The following WWTR1 variants were observed in gnomAD, a reference collection of about 807,000 sequenced individuals.
The protein encoded by WWTR1 is WW domain-containing transcription regulator protein 1.
Under a neutral mutation model 40.1 loss-of-function variants are expected in WWTR1, and 13 were observed. That is an observed-to-expected ratio of 0.32 (90% CI 0.21 to 0.52). The LOEUF (loss-of-function observed/expected upper bound fraction) is 0.52, where lower values mean the gene tolerates loss of function less well. WWTR1 is among the 20% of genes least tolerant of loss of function. The probability of loss-of-function intolerance (pLI) is 0.97; values close to 1 mark genes in which losing one functional copy is unlikely to be tolerated. For missense variants in WWTR1, 436 were observed against 523.1 expected, an observed-to-expected ratio of 0.83 and a Z score of 1.63; for synonymous variants, 230 against 210.1, an observed-to-expected ratio of 1.09 and a Z score of -0.82.
intron 1 of WWTR1, among the ~76,000 whole-genome samples, chr3:149,675,940 C>T (rs1385844100): frequency 4.6e-5 from 7 of 152,026 alleles, no homozygotes; most frequent in Admixed American, 2.0e-4. Flanking sequence ...CTCCTGACCT[C>T]GTGATCGGCC....
chr3:149,556,503 C>T (rs1020404009), intron 3 of WWTR1, among the ~76,000 whole-genome samples: 3 of 152,116 alleles, frequency 2.0e-5, no homozygotes, highest in Non-Finnish European at 4.4e-5. Flanking sequence ...TGCTTGAACC[C>T]GGAAGGTGGA....
chr3:149,596,149 G>A (rs188204611), intron 2 of WWTR1, among the ~76,000 whole-genome samples: 1 of 152,244 alleles, frequency 6.6e-6, no homozygotes, highest in East Asian at 1.9e-4. Flanking sequence ...AAATCAAATA[G>A]CATATTTCCT....
intron 3 of WWTR1, among the ~76,000 whole-genome samples, chr3:149,562,627 ACACACACAC>A (rs1737136588): frequency 6.6e-6 from 1 of 151,038 alleles, no homozygotes; most frequent in African/African-American, 2.4e-5. Context: ...ACACACACAC[ACACACACAC>A]ACACACACAC....
At chr3:149,613,851 TTTG>T (rs1739849582) in intron 2 of WWTR1, among the ~76,000 whole-genome samples, 1 of 152,096 alleles carries the variant, frequency 6.6e-6, no homozygotes, top group Non-Finnish European at 1.5e-5. Flanking sequence ...CAGCTGGGCT[TTTG>T]TTATTTTTCA....
intron 2 of WWTR1, among the ~76,000 whole-genome samples, chr3:149,641,069 A>T (rs1276538233): frequency 1.3e-5 from 2 of 152,036 alleles, no homozygotes; most frequent in Non-Finnish European, 2.9e-5. Flanking sequence ...ATTCGATATT[A>T]TTTATTATGC....
intron 2 of WWTR1, among the ~76,000 whole-genome samples, chr3:149,664,947 A>T (rs1713747876): frequency 6.6e-6 from 1 of 152,142 alleles, no homozygotes; most frequent in South Asian, 2.1e-4. Context: ...TTTGGGCTAG[A>T]GAAAAAAGGA....
chr3:149,699,459 A>G (rs1715100374), intron 1 of WWTR1, among the ~76,000 whole-genome samples: 1 of 151,880 alleles, frequency 6.6e-6, no homozygotes, highest in Non-Finnish European at 1.5e-5. Context: ...ATGCCCGGCT[A>G]ATTTTGTATT....
intron 2 of WWTR1, among the ~76,000 whole-genome samples, chr3:149,620,902 T>C (rs1312630849): frequency 2.0e-5 from 3 of 152,242 alleles, no homozygotes; most frequent in Non-Finnish European, 4.4e-5. Flanking sequence ...GTCCTATGAC[T>C]ATTCTCTTTT....
intron 3 of WWTR1, among the ~76,000 whole-genome samples, chr3:149,568,440 T>A (rs1000334938): frequency 7.8e-5 from 11 of 141,516 alleles, no homozygotes; most frequent in Admixed American, 2.4e-4. Flanking sequence ...TCCAAATTGG[T>A]AAAGCCTGAT....
At chr3:149,527,017 A>G (rs1735350807) in intron 5 of WWTR1, among the ~76,000 whole-genome samples, 1 of 152,230 alleles carries the variant, frequency 6.6e-6, no homozygotes, top group Non-Finnish European at 1.5e-5. Flanking sequence ...TGTACCCTTC[A>G]CCAGCTTCCC....
chr3:149,686,909 C>T (rs1261752299), intron 1 of WWTR1, among the ~76,000 whole-genome samples: 1 of 152,138 alleles, frequency 6.6e-6, no homozygotes, highest in Non-Finnish European at 1.5e-5. Context: ...TTTGCAAATG[C>T]TGTGTGTAGC....
intron 2 of WWTR1, among the ~76,000 whole-genome samples, chr3:149,593,573 T>G (rs924070666): frequency 3.9e-5 from 6 of 152,340 alleles, no homozygotes; most frequent in Admixed American, 1.3e-4. Context: ...ACTCTAAGAA[T>G]GCCTTGCTAA....
intron 5 of WWTR1, among the ~76,000 whole-genome samples, chr3:149,711,798 G>C (rs987846190): frequency 6.6e-6 from 1 of 152,190 alleles, no homozygotes; most frequent in African/African-American, 2.4e-5. Flanking sequence ...TATCAGCCAG[G>C]TCTTAGCTCA....
intron 4 of WWTR1, among the ~76,000 whole-genome samples, chr3:149,537,554 T>C (rs1414146653): frequency 6.6e-6 from 1 of 152,248 alleles, no homozygotes; most frequent in Non-Finnish European, 1.5e-5. Flanking sequence ...GTTTTGTCTT[T>C]TTGTGTGTAG....
At chr3:149,676,799 A>C (rs550206074) in intron 1 of WWTR1, among the ~76,000 whole-genome samples, 5 of 152,082 alleles carry the variant, frequency 3.3e-5, no homozygotes, top group Non-Finnish European at 7.4e-5. Flanking sequence ...GGCAGTGTGC[A>C]TGCTTTTCAA....
chr3:149,612,398 A>G (rs1268837425), intron 2 of WWTR1, among the ~76,000 whole-genome samples: 1 of 151,902 alleles, frequency 6.6e-6, no homozygotes, highest in African/African-American at 2.4e-5. Context: ...AACTCCACCT[A>G]CCAGTATATA....
chr3:149,554,058 A>C (rs1736721793), intron 3 of WWTR1, among the ~76,000 whole-genome samples: 1 of 150,068 alleles, frequency 6.7e-6, no homozygotes, highest in Non-Finnish European at 1.5e-5. Context: ...CAAGGTCAGC[A>C]AAAAAAAAGC....
chr3:149,541,359 C>T (rs1184972734), intron 4 of WWTR1, among the ~76,000 whole-genome samples: 1 of 152,194 alleles, frequency 6.6e-6, no homozygotes, highest in Non-Finnish European at 1.5e-5. Context: ...CTGAGCCTGA[C>T]CCACAGAGGG....
chr3:149,639,520 A>G (rs1241516772), intron 2 of WWTR1, among the ~76,000 whole-genome samples: 5 of 152,076 alleles, frequency 3.3e-5, no homozygotes, highest in African/African-American at 4.8e-5. Flanking sequence ...TACCTCTTCT[A>G]TTTTCCTATA....
Sources: gnomAD v4.1 joint callset for allele counts (sites outside exome capture counted in the v4.1 genomes callset) on GRCh38, gnomAD v4.1.1 for gene constraint, MANE v1.5 for transcripts, NCBI Gene and HGNC (gene_info 2026-07-23, HGNC 2026-07-21) for gene names.